The following FRMD4A variants were observed in gnomAD, a reference collection of about 807,000 sequenced individuals.
The protein encoded by FRMD4A is FERM domain containing 4A, also known as FERM domain-containing protein 4A.
In FRMD4A, 29 loss-of-function variants were observed where a neutral mutation model predicts 129.1. The observed-to-expected ratio is 0.22, with a 90% CI of 0.17 to 0.31. The LOEUF (loss-of-function observed/expected upper bound fraction) is 0.31, where lower values mean the gene tolerates loss of function less well. FRMD4A is among the 10% of genes least tolerant of loss of function. FRMD4A has a pLI of 1.00. For missense variants in FRMD4A, 1,272 were observed against 1,375.8 expected (o/e 0.92, Z 1.19); for synonymous variants, 634 against 571.6 (o/e 1.11, Z -1.56).
chr10:13,734,474 C>G (rs1476706736), intron 12 of FRMD4A, among the ~76,000 whole-genome samples: 1 of 152,316 alleles, frequency 6.6e-6, no homozygotes, highest in East Asian at 1.9e-4. Flanking sequence ...CAACTCCTCT[C>G]TTTTCACTTG....
chr10:14,281,767 G>A (rs1033747262), intron 2 of FRMD4A, among the ~76,000 whole-genome samples: 4 of 152,168 alleles, frequency 2.6e-5, no homozygotes, highest in African/African-American at 9.7e-5. Flanking sequence ...CATATGCAGT[G>A]CAACTGTCTG....
At chr10:13,877,301 C>G (rs539927417) in intron 2 of FRMD4A, among the ~76,000 whole-genome samples, 14 of 152,306 alleles carry the variant, frequency 9.2e-5, no homozygotes, top group African/African-American at 3.4e-4. Flanking sequence ...CAAAGCACTC[C>G]TGTACTAAGT....
At chr10:14,059,235 A>G (rs1267525816) in intron 2 of FRMD4A, among the ~76,000 whole-genome samples, 1 of 152,234 alleles carries the variant, frequency 6.6e-6, no homozygotes, top group Admixed American at 6.5e-5. Context: ...CTGGAATTCC[A>G]GTGCTGTTAC....
chr10:13,761,785 G>A, intron 7 of FRMD4A, 116 bp from the exon 8 acceptor site: 1 of 678,456 alleles, frequency 1.5e-6, no homozygotes, highest in Non-Finnish European at 2.6e-6. Context: ...TCAGCTTCCT[G>A]CAGTTATCAT....
intron 2 of FRMD4A, among the ~76,000 whole-genome samples, chr10:14,221,581 T>G (rs1361441369): frequency 6.6e-6 from 1 of 152,174 alleles, no homozygotes; most frequent in Non-Finnish European, 1.5e-5. Context: ...TCTGTACTTC[T>G]TAATCTCTTG....
At chr10:14,209,979 G>A (rs1263450073) in intron 2 of FRMD4A, among the ~76,000 whole-genome samples, 1 of 152,128 alleles carries the variant, frequency 6.6e-6, no homozygotes, top group Non-Finnish European at 1.5e-5. Flanking sequence ...GGCAAGGAGA[G>A]TGACAAAGAG....
intron 2 of FRMD4A, among the ~76,000 whole-genome samples, chr10:14,113,949 C>G (rs940371273): frequency 1.3e-5 from 2 of 152,190 alleles, no homozygotes; most frequent in African/African-American, 4.8e-5. Flanking sequence ...CACCCCCAGC[C>G]CATCCTATCG....
chr10:13,805,603 A>C (rs141957507), intron 4 of FRMD4A, among the ~76,000 whole-genome samples: 2,095 of 152,116 alleles, frequency 0.014, 48 homozygotes, highest in African/African-American at 0.048. Context: ...AATAGCTTAA[A>C]AGTTGGTTAG....
At chr10:14,281,249 C>A (rs1845510925) in intron 2 of FRMD4A, among the ~76,000 whole-genome samples, 1 of 152,118 alleles carries the variant, frequency 6.6e-6, no homozygotes, top group African/African-American at 2.4e-5. Flanking sequence ...GCCTTGGCCT[C>A]CCAAAGTGCT....
In FRMD4A at chr10:14,087,985, T is replaced by C. The variant is rs554352987; in HGVS notation, c.46-229073A>G. On this transcript the variant is annotated intron_variant, in intron 2 of 24. Transcript: ENST00000357447. The stretch of plus-strand genomic sequence containing the variant: ...GGTTGTTTGTCATTCACAGGAGGAA[T>C]TGGATTCCTTTATGTTTATAAAGTC... 5.9e-5 allele frequency among the ~76,000 whole-genome samples: 9 copies of C among 152,266 alleles called. 1 individual carries two copies. In the South Asian group the frequency reaches 1.5e-3, roughly 25 times the overall value.
chr10:13,947,142 G>T (rs529862002), intron 2 of FRMD4A, among the ~76,000 whole-genome samples: 147 of 152,228 alleles, frequency 9.7e-4, no homozygotes, highest in African/African-American at 3.4e-3. Flanking sequence ...TCCAGGCTAC[G>T]GACACTTCAG....
intron 4 of FRMD4A, among the ~76,000 whole-genome samples, chr10:13,809,803 G>A (rs1391777233): frequency 6.6e-6 from 1 of 152,176 alleles, no homozygotes; most frequent in South Asian, 2.1e-4. Flanking sequence ...CAGTCCCAAC[G>A]ACACCCCCTT....
chr10:14,208,068 G>A (rs1684256818), intron 2 of FRMD4A, among the ~76,000 whole-genome samples: 1 of 152,014 alleles, frequency 6.6e-6, no homozygotes, highest in South Asian at 2.1e-4. Flanking sequence ...ATGGTGGTGT[G>A]CGCCTGTTCT....
At chr10:13,804,168 T>C (rs1275366800) in intron 4 of FRMD4A, among the ~76,000 whole-genome samples, 1 of 152,210 alleles carries the variant, frequency 6.6e-6, no homozygotes, top group East Asian at 1.9e-4. Flanking sequence ...GAAGCAGTTA[T>C]TACAAGCCAG....
chr10:13,821,354 T>C lies in FRMD4A; in HGVS notation c.112-10446A>G, dbSNP rs1409174238. ...AACAATGGAGTTGCACTGTCTTGGC[T>C]CTCAGGCACCCAGAACAGGTAGGAG... On this transcript the variant is annotated intron_variant, in intron 3 of 24. Transcript: ENST00000357447. This position sits in a 1 kb window ranked among gnomAD's most constrained non-coding sequence, Gnocchi z 4.3. Among the ~76,000 whole-genome samples the C allele has an allele frequency of 1.3e-5, 2 of 152,064 alleles. No individual in the cohort carries two copies. Among genetic ancestry groups the C allele is most frequent in the South Asian group, 4.2e-4 (2 of 4,816 alleles).
At chr10:13,779,322 A>C (rs75521301) in intron 6 of FRMD4A, among the ~76,000 whole-genome samples, 2 of 125,106 alleles carry the variant, frequency 1.6e-5, no homozygotes, top group African/African-American at 5.4e-5. Context: ...TCTCCAAGAA[A>C]AAAAAAAAAA....
chr10:14,246,474 CACAT>C (rs1210820896), intron 2 of FRMD4A, among the ~76,000 whole-genome samples: 27 of 152,122 alleles, frequency 1.8e-4, no homozygotes, highest in Admixed American at 1.2e-3. Flanking sequence ...CACACAAACA[CACAT>C]ACATATGCAC....
intron 20 of FRMD4A, among the ~76,000 whole-genome samples, chr10:13,659,747 T>TA (rs1005104935): frequency 6.6e-6 from 1 of 151,810 alleles, no homozygotes; most frequent in Non-Finnish European, 1.5e-5. Context: ...GTCCTGCCCT[T>TA]ACAGTTTTTG....
At chr10:14,143,867 C>A (rs953732712) in intron 2 of FRMD4A, among the ~76,000 whole-genome samples, 3 of 152,014 alleles carry the variant, frequency 2.0e-5, no homozygotes, top group Non-Finnish European at 4.4e-5. Context: ...CCTCAGCCTC[C>A]CAAAGTGCTG....
Sources: gnomAD v4.1 joint callset for allele counts (sites outside exome capture counted in the v4.1 genomes callset) on GRCh38, gnomAD v4.1.1 for gene constraint, Gnocchi (gnomAD v3.1) non-coding constraint, MANE v1.5 for transcripts, NCBI Gene and HGNC (gene_info 2026-07-23, HGNC 2026-07-21) for gene names.